The following PRKCH variants were observed in gnomAD, a reference collection of about 807,000 sequenced individuals.
The protein encoded by PRKCH is protein kinase C eta.
Under a neutral mutation model 82.5 loss-of-function variants are expected in PRKCH, and 28 were observed. That is an observed-to-expected ratio of 0.34 (90% CI 0.25 to 0.47). The LOEUF (loss-of-function observed/expected upper bound fraction) is 0.47, where lower values mean the gene tolerates loss of function less well. Ranked by LOEUF, PRKCH falls within the 20% of genes least tolerant of loss-of-function variation. The pLI is 1.00. For synonymous variants in PRKCH, 322 were observed against 327.4 expected (o/e 0.98, Z 0.18); for missense variants, 705 against 881.8 (o/e 0.80, Z 2.54).
chr14:61,509,385 A>G (rs1887281235), intron 10 of PRKCH, among the ~76,000 whole-genome samples: 2 of 152,122 alleles, frequency 1.3e-5, no homozygotes, highest in South Asian at 4.1e-4. Flanking sequence ...AGACTTCTTC[A>G]CGATTGAGTT....
upstream of PRKCH, among the ~76,000 whole-genome samples, chr14:61,321,450 C>A (rs965605866): frequency 6.6e-6 from 1 of 152,220 alleles, no homozygotes; most frequent in African/African-American, 2.4e-5. This position sits in a 1 kb window ranked among gnomAD's most constrained non-coding sequence, Gnocchi z 4.1. Flanking sequence ...GGAGGGCGCG[C>A]AGGGCGGCGC....
At chr14:61,533,816 T>C (rs1402965349) in intron 12 of PRKCH, among the ~76,000 whole-genome samples, 9 of 152,218 alleles carry the variant, frequency 5.9e-5, no homozygotes, top group Non-Finnish European at 1.2e-4. Flanking sequence ...GAGAGCTGCA[T>C]GCATGAAATG....
intron 1 of PRKCH, among the ~76,000 whole-genome samples, chr14:61,198,774 G>C (rs1367596584): frequency 6.6e-6 from 1 of 152,192 alleles, no homozygotes; most frequent in Non-Finnish European, 1.5e-5. Flanking sequence ...AGATCAAAAG[G>C]CTGGAAGGCT....
chr14:61,380,081 G>A (rs996676296), intron 1 of PRKCH, among the ~76,000 whole-genome samples: 1 of 151,868 alleles, frequency 6.6e-6, no homozygotes, highest in Non-Finnish European at 1.5e-5. Context: ...TTATTATGGG[G>A]TTTCACTTTG....
intron 1 of PRKCH, chr14:61,306,011 C>G (rs1473462818): frequency 6.6e-6 from 1 of 152,152 alleles, no homozygotes; most frequent in Non-Finnish European, 1.5e-5. Context: ...ACTAAAAAAT[C>G]CTCTTGATCT....
At chr14:61,470,012 C>A (rs1242509222) in intron 9 of PRKCH, among the ~76,000 whole-genome samples, 1 of 151,754 alleles carries the variant, frequency 6.6e-6, no homozygotes, top group Non-Finnish European at 1.5e-5. Flanking sequence ...ATAGTCTCAG[C>A]TGGTGACCCT....
Position 61,293,347 on chromosome 14 carries a change from G to A in PRKCH, c.-19+105679G>A, listed in dbSNP as rs183142870. 1.4e-4 allele frequency among the ~76,000 whole-genome samples: 22 copies of A among 152,324 alleles called. No individual in the cohort carries two copies. The East Asian group carries it at 3.9e-3, about 27-fold the overall frequency. On this transcript the variant is annotated intron_variant, in intron 1 of 3. Coordinates refer to the PRKCH transcript ENST00000555185. ...AAGCCTGGTGGGCTAGGCAGCAAGT[G>A]TGACAGCAACAAAGTACAGGCTTCT...
At chr14:61,449,898 CTCTGTG>C (rs1325280294) in intron 5 of PRKCH, among the ~76,000 whole-genome samples, 475 of 26,918 alleles carry the variant, frequency 0.018, 2 homozygotes, top group African/African-American at 0.025. Context: ...CTCTCTCTCT[CTCTGTG>C]TGTGTGTGTG....
At chr14:61,330,586 A>G (rs2045771683) in intron 1 of PRKCH, among the ~76,000 whole-genome samples, 1 of 152,218 alleles carries the variant, frequency 6.6e-6, no homozygotes, top group Non-Finnish European at 1.5e-5. Context: ...CAGAACAACA[A>G]CAAAAAGCCT....
rs1265195328 is a variant in PRKCH, at chr14:61,446,842, A to C, written c.613+1116A>C. ...ATAAGTTGAGAAGCTCTGGATAAAC[A>C]AGATTATGGTTTTGAGTTTAAAACA... On this transcript the variant is annotated intron_variant, in intron 4 of 13. Transcript: ENST00000332981. Among the ~76,000 whole-genome samples the C allele has an allele frequency of 3.3e-5, 5 of 152,222 alleles. No individual in the cohort carries two copies. The East Asian group carries it at 9.6e-4, about 29-fold the overall frequency.
At chr14:61,268,196 G>A (rs1473908929) in intron 1 of PRKCH, among the ~76,000 whole-genome samples, 2 of 152,090 alleles carry the variant, frequency 1.3e-5, no homozygotes, top group African/African-American at 2.4e-5. Context: ...CTGTCTAAGT[G>A]CCAGCAATTG....
At chr14:61,433,623 A>T (rs904149949) in intron 2 of PRKCH, among the ~76,000 whole-genome samples, 2 of 152,170 alleles carry the variant, frequency 1.3e-5, no homozygotes, top group African/African-American at 4.8e-5. Flanking sequence ...TTTCACGGGG[A>T]TCATATGATC....
At chr14:61,485,716 T>C (rs2140330504) in intron 10 of PRKCH, 60 bp downstream of exon 10, 6 of 1,525,168 alleles carry the variant, frequency 3.9e-6, no homozygotes, top group Non-Finnish European at 4.5e-6. Context: ...CCTGGTATGA[T>C]CCATCCTTCC....
Position 61,195,634 on chromosome 14 carries a change from G to A in PRKCH, c.-19+7966G>A, listed in dbSNP as rs76606908. Among the ~76,000 whole-genome samples, 759 of 152,306 alleles carry A rather than the reference G, an allele frequency of 5.0e-3. 19 individuals carry two copies. In the East Asian group the frequency reaches 0.068, roughly 14 times the overall value. The stretch of plus-strand genomic sequence containing the variant: ...ATCCAAATTAGAATTAAGAATCAGG[G>A]CATATCTCCCGGGAAGACACCTTGG... On this transcript the variant is annotated intron_variant, in intron 1 of 3. Coordinates refer to the PRKCH transcript ENST00000555185.
chr14:61,425,431 G>C (rs1883058147), intron 2 of PRKCH, among the ~76,000 whole-genome samples: 1 of 152,188 alleles, frequency 6.6e-6, no homozygotes, highest in Non-Finnish European at 1.5e-5. Flanking sequence ...TCATTTTGGA[G>C]CTTTAAGATT....
chr14:61,206,244 G>A (rs1482901797), intron 1 of PRKCH, among the ~76,000 whole-genome samples: 1 of 152,240 alleles, frequency 6.6e-6, no homozygotes, highest in African/African-American at 2.4e-5. Flanking sequence ...GAAGCCAGAA[G>A]TCTGAAATCA....
chr14:61,272,353 T>C lies in PRKCH; in HGVS notation c.-19+84685T>C, dbSNP rs868200176. ...CTTTTCTTTTTTCTTTCTTTTTTTTTTTTTTTTTTTTTTTTTTTGAGACAG... is the reference window on the plus strand; with the variant it reads ...CTTTTCTTTTTTCTTTCTTTTTTTTCTTTTTTTTTTTTTTTTTTGAGACAG... On this transcript the variant is annotated intron_variant, in intron 1 of 3. Transcript: ENST00000555185. Among the ~76,000 whole-genome samples the C allele has an allele frequency of 1.2e-3, 144 of 117,604 alleles. 4 individuals carry two copies. Among genetic ancestry groups the C allele is most frequent in the Middle Eastern group, 4.8e-3 (1 of 210 alleles). The allele number at this position is 117,604 out of a possible 152,430, so 77.2% of individuals were successfully genotyped here.
Position 61,386,567 on chromosome 14 carries a change from G to A in PRKCH, c.364-4658G>A, listed in dbSNP as rs114349820. Among the ~76,000 whole-genome samples, 157 of 152,300 alleles carry A rather than the reference G, an allele frequency of 1.0e-3. 1 individual carries two copies. Among genetic ancestry groups the A allele is most frequent in the African/African-American group, 3.7e-3 (152 of 41,558 alleles). ...GCGTGGCCTACTGGGTAAATACAGG[G>A]CTCAGGAGTGAGAGGAGGGCCAGGA... On this transcript the variant is annotated intron_variant, in intron 1 of 13. Transcript: ENST00000332981.
chr14:61,483,640 C>A (rs17098494), intron 9 of PRKCH, among the ~76,000 whole-genome samples: 2,467 of 152,232 alleles, frequency 0.016, 64 homozygotes, highest in African/African-American at 0.056. Context: ...CGTGGTTACA[C>A]CAGGCTTGCA....
Sources: allele counts gnomAD v4.1 joint callset (sites outside exome capture counted in the v4.1 genomes callset), GRCh38; gene constraint gnomAD v4.1.1; non-coding constraint Gnocchi (gnomAD v3.1); transcripts MANE v1.5; gene names NCBI Gene and HGNC (gene_info 2026-07-23, HGNC 2026-07-21).